The following VPS26A variants were observed in gnomAD, a reference collection of about 807,000 sequenced individuals.
VPS26A encodes vacuolar protein sorting-associated protein 26A.
In VPS26A, 22 loss-of-function variants were observed where a neutral mutation model predicts 42.4. The ratio of observed to expected loss-of-function variants is 0.52; its 90% CI spans 0.37 to 0.74. The LOEUF (loss-of-function observed/expected upper bound fraction) is 0.74, where lower values mean the gene tolerates loss of function less well. Ranked by LOEUF, VPS26A falls within the 30% of genes least tolerant of loss-of-function variation. The pLI is 0.00. For missense variants in VPS26A, 276 were observed against 379.2 expected, an observed-to-expected ratio of 0.73 and a Z score of 2.26; for synonymous variants, 110 against 123.5, an observed-to-expected ratio of 0.89 and a Z score of 0.73.
At chr10:69,129,745 G>A (rs1469257305) in intron 1 of VPS26A, among the ~76,000 whole-genome samples, 1 of 151,998 alleles carries the variant, frequency 6.6e-6, no homozygotes, top group Non-Finnish European at 1.5e-5. Context: ...GGCTGGTCTC[G>A]AACTCCTGAC....
At chr10:69,126,082 A>G (rs1840645283) in intron 1 of VPS26A, among the ~76,000 whole-genome samples, 2 of 152,188 alleles carry the variant, frequency 1.3e-5, no homozygotes, top group African/African-American at 2.4e-5. Flanking sequence ...TAACTTGCAT[A>G]TTAATAGTTA....
At chr10:69,149,734 GTTTTTTTTTTTTT>G (rs869048277) in intron 2 of VPS26A, among the ~76,000 whole-genome samples, 2 of 21,364 alleles carry the variant, frequency 9.4e-5, no homozygotes, top group Non-Finnish European at 1.7e-4. Context: ...GGTGTTTTTT[GTTTTTTTTTTTTT>G]TTTTTTTTTT....
intron 2 of VPS26A, among the ~76,000 whole-genome samples, chr10:69,149,739 T>A (rs1200347255): frequency 3.1e-5 from 1 of 32,254 alleles, no homozygotes; most frequent in Non-Finnish European, 9.6e-5. Context: ...TTTTTGTTTT[T>A]TTTTTTTTTT....
chr10:69,140,976 T>C (rs1841025466), intron 2 of VPS26A, among the ~76,000 whole-genome samples: 1 of 152,212 alleles, frequency 6.6e-6, no homozygotes, highest in South Asian at 2.1e-4. Context: ...CTACGCATTA[T>C]GTTTTGGGAT....
chr10:69,157,222 T>C (rs1041137275), intron 4 of VPS26A, 59 bp downstream of exon 4: 2 of 1,506,846 alleles, frequency 1.3e-6, no homozygotes, highest in Non-Finnish European at 1.8e-6. Flanking sequence ...ATGACTACTG[T>C]TGATATCTTA....
At chr10:69,151,810 T>G (rs1365885938) in intron 2 of VPS26A, among the ~76,000 whole-genome samples, 1 of 152,226 alleles carries the variant, frequency 6.6e-6, no homozygotes, top group Non-Finnish European at 1.5e-5. Context: ...GCCATATAGG[T>G]ATTTTCAAAA....
At chr10:69,146,625 A>G (rs1362705517) in intron 2 of VPS26A, among the ~76,000 whole-genome samples, 2 of 152,010 alleles carry the variant, frequency 1.3e-5, no homozygotes, top group African/African-American at 4.8e-5. Context: ...GTTTCTATGA[A>G]TTTGCCTATT....
chr10:69,133,104 A>G (rs1457024319), intron 2 of VPS26A, 57 bp downstream of exon 2: 7 of 1,557,276 alleles, frequency 4.5e-6, no homozygotes, highest in African/African-American at 2.8e-5. Flanking sequence ...TTAGTTATCA[A>G]AGTGGTCTGT....
chr10:69,166,695 GTC>G (rs1161354218), intron 7 of VPS26A, among the ~76,000 whole-genome samples: 1 of 152,148 alleles, frequency 6.6e-6, no homozygotes, highest in Non-Finnish European at 1.5e-5. Context: ...AGGTGGTTGT[GTC>G]CCTTATGATG....
At position 69,168,555 on chromosome 10, in the gene VPS26A, A is replaced by C. The variant is rs778293181; in HGVS notation, c.794A>C (p.Asn265Thr). The C allele has an allele frequency of 1.2e-6, 2 of 1,614,198 alleles. No homozygotes were observed. The highest frequency in any genetic ancestry group is 1.7e-6 in the Non-Finnish European group (2 of 1,180,036). The change falls in exon 8 of 9, where the codon AAC (asparagine) becomes ACC (threonine). Residue 265 changes from asparagine (N) to threonine (T), a missense_variant. Transcript: ENST00000263559. The part of the protein sequence containing the change: ...YDPTPTMRDV[N>T]KKFSVRYFLN... The stretch of plus-strand genomic sequence containing the variant: ...CCAACTCCAACAATGAGAGATGTGA[A>C]CAAAAAATTTTCAGTAAGGTACTTT...
chr10:69,141,977 G>A (rs563722490), intron 2 of VPS26A, among the ~76,000 whole-genome samples: 9 of 151,998 alleles, frequency 5.9e-5, no homozygotes, highest in African/African-American at 1.7e-4. Flanking sequence ...TCTGCCTCCC[G>A]GGTTCAAGTG....
chr10:69,137,780 G>C (rs1329307246), intron 2 of VPS26A, among the ~76,000 whole-genome samples: 2 of 151,742 alleles, frequency 1.3e-5, no homozygotes, highest in East Asian at 3.9e-4. Context: ...GGCTATCTTA[G>C]AATTCTGCCT....
chr10:69,133,326 T>C (rs1401134810), intron 2 of VPS26A, among the ~76,000 whole-genome samples: 1 of 152,154 alleles, frequency 6.6e-6, no homozygotes, highest in African/African-American at 2.4e-5. Flanking sequence ...ATATTTTTTT[T>C]TTCTGTTTGT....
chr10:69,139,179 CA>C (rs1840987379), intron 2 of VPS26A, among the ~76,000 whole-genome samples: 1 of 152,174 alleles, frequency 6.6e-6, no homozygotes, highest in South Asian at 2.1e-4. Context: ...AGGAAATGCT[CA>C]TGGGAACAAT....
intron 8 of VPS26A, among the ~76,000 whole-genome samples, 171 bp from the exon 9 acceptor site, chr10:69,170,985 A>G (rs1841800805): frequency 6.6e-6 from 1 of 152,162 alleles, no homozygotes; most frequent in South Asian, 2.1e-4. Context: ...CTAGAGGTAG[A>G]AGGGGCAGTC....
At chr10:69,164,697 A>G (rs906375629) in intron 6 of VPS26A, among the ~76,000 whole-genome samples, 3 of 152,014 alleles carry the variant, frequency 2.0e-5, no homozygotes, top group African/African-American at 7.2e-5. Context: ...TCTAAAAATA[A>G]TTTTCTGTGC....
chr10:69,132,431 G>GTTTTT (rs3086557), intron 1 of VPS26A, among the ~76,000 whole-genome samples: 7 of 141,294 alleles, frequency 5.0e-5, no homozygotes, highest in Non-Finnish European at 4.5e-5. Flanking sequence ...TTTTGATGTA[G>GTTTTT]TTTTTTTTTT....
At chr10:69,154,128 C>CT (rs1478943240) in intron 2 of VPS26A, among the ~76,000 whole-genome samples, 4 of 152,146 alleles carry the variant, frequency 2.6e-5, no homozygotes, top group African/African-American at 4.8e-5. Flanking sequence ...CCTTGACTGT[C>CT]TCAGGTAATA....
At chr10:69,145,865 C>T (rs1338321655) in intron 2 of VPS26A, among the ~76,000 whole-genome samples, 1 of 152,024 alleles carries the variant, frequency 6.6e-6, no homozygotes, top group East Asian at 1.9e-4. Flanking sequence ...ATTTTCACCA[C>T]CCCAAAAAGA....
Sources: allele counts gnomAD v4.1 joint callset (sites outside exome capture counted in the v4.1 genomes callset), GRCh38; gene constraint gnomAD v4.1.1; transcripts MANE v1.5; gene names NCBI Gene and HGNC (gene_info 2026-07-23, HGNC 2026-07-21).